SLIT2: variants seen among roughly 807,000 people sequenced by gnomAD.
The protein encoded by SLIT2 is slit guidance ligand 2.
Under a neutral mutation model 185.7 loss-of-function variants are expected in SLIT2, and 41 were observed. The observed-to-expected ratio is 0.22, with a 90% confidence interval of 0.17 to 0.29. The LOEUF is 0.29. SLIT2 is among the 10% of genes least tolerant of loss of function. SLIT2 has a pLI of 1.00. For missense variants in SLIT2, 1,571 were observed against 1,909.0 expected (o/e 0.82, Z 3.30); for synonymous variants, 693 against 680.2 (o/e 1.02, Z -0.29).
At chr4:20,573,347 G>A (rs1725785882) in intron 29 of SLIT2, 2 of 696,226 alleles carry the variant, frequency 2.9e-6, no homozygotes, top group African/African-American at 3.5e-5. Flanking sequence ...CGGGTACACA[G>A]TAAAAAGGAA....
rs904303968 is a variant in SLIT2 at position 20,583,983 on chromosome 4, G to A, written c.3089-5661G>A. ...AATACTCACAATATCAGTACCACAG[G>A]GGGCTCTGAACATATGCTGGCACTT... On this transcript the variant is annotated intron_variant, in intron 29 of 36. Coordinates refer to ENST00000504154, the MANE Select transcript of SLIT2 (RefSeq NM_004787.4). 1.1e-4 allele frequency among the ~76,000 whole-genome samples: 16 copies of A among 151,956 alleles called. No individual in the cohort carries two copies. The South Asian group carries it at 3.1e-3, about 30-fold the overall frequency.
intron 4 of SLIT2, among the ~76,000 whole-genome samples, chr4:20,373,809 C>A (rs1723789081): frequency 6.6e-6 from 1 of 151,998 alleles, no homozygotes; most frequent in African/African-American, 2.4e-5. Context: ...TGTGGTGTTT[C>A]TCTGGTGTAG....
At chr4:20,295,549 TAGTAGTA>T (rs1287984036) in intron 4 of SLIT2, among the ~76,000 whole-genome samples, 2 of 152,158 alleles carry the variant, frequency 1.3e-5, no homozygotes, top group Non-Finnish European at 2.9e-5. Flanking sequence ...TCAGCTCTCT[TAGTAGTA>T]AGTCAATCCA....
intron 4 of SLIT2, among the ~76,000 whole-genome samples, chr4:20,446,582 G>C (rs941173571): frequency 6.6e-6 from 1 of 152,182 alleles, no homozygotes; most frequent in Non-Finnish European, 1.5e-5. Context: ...GTCAGGCAGT[G>C]TTTAAAAGCA....
chr4:20,452,997 A>G (rs1034983161), intron 4 of SLIT2, among the ~76,000 whole-genome samples: 1 of 152,238 alleles, frequency 6.6e-6, no homozygotes, highest in Non-Finnish European at 1.5e-5. Context: ...CATACAGTTC[A>G]GAAATTATGA....
intron 30 of SLIT2, among the ~76,000 whole-genome samples, chr4:20,590,202 G>T (rs1159980388): frequency 6.6e-6 from 1 of 152,098 alleles, no homozygotes; most frequent in African/African-American, 2.4e-5. Context: ...ACCGCGCCCA[G>T]CCCCAGACTT....
intron 4 of SLIT2, among the ~76,000 whole-genome samples, chr4:20,348,031 G>A (rs1721566335): frequency 6.6e-6 from 1 of 152,110 alleles, no homozygotes; most frequent in African/African-American, 2.4e-5. Context: ...GGATGCTGTT[G>A]GTATAATCTA....
Position 20,545,973 on chromosome 4 carries a change from A to G in SLIT2, c.2277-58A>G, listed in dbSNP as rs368960178. ...GTTAAGAGTGAAGTACTGTTTACTTATTTTATTCAAGGCCACCATTACTTT... is the reference window on the plus strand; with the variant it reads ...GTTAAGAGTGAAGTACTGTTTACTTGTTTTATTCAAGGCCACCATTACTTT... On this transcript the variant is annotated intron_variant, in intron 21 of 36. Transcript: ENST00000504154. 647 of 1,004,658 alleles carry G rather than the reference A, an allele frequency of 6.4e-4. 8 individuals are homozygous for G. In the Middle Eastern group the frequency reaches 0.013, roughly 21 times the overall value. 62.2% of individuals were successfully genotyped at this position (1,004,658 alleles called of 1,614,324 possible). A position where few individuals can be genotyped will look rare whatever the true frequency, so the allele number is the denominator to read the frequency against.
At chr4:20,398,273 G>T (rs1237846264) in intron 4 of SLIT2, among the ~76,000 whole-genome samples, 2 of 151,800 alleles carry the variant, frequency 1.3e-5, no homozygotes, top group Admixed American at 1.3e-4. Context: ...GTATTTGTTT[G>T]GTTTGGTTCT....
At chr4:20,368,219 C>CAAAAAAAAAA (rs71653879) in intron 4 of SLIT2, among the ~76,000 whole-genome samples, 713 of 105,600 alleles carry the variant, frequency 6.8e-3, no homozygotes, top group East Asian at 1.0e-2. Context: ...CACAAAATAG[C>CAAAAAAAAAA]AAAAAAAAAA....
chr4:20,387,656 C>T (rs1553891682), intron 4 of SLIT2, among the ~76,000 whole-genome samples: 1 of 152,100 alleles, frequency 6.6e-6, no homozygotes, highest in Non-Finnish European at 1.5e-5. Flanking sequence ...ACTTGGCCAG[C>T]CAGTGCCGGT....
rs75287641 is a variant in SLIT2 at position 20,543,325 on chromosome 4, G to A, written c.2276+699G>A. Among the ~76,000 whole-genome samples the A allele has an allele frequency of 3.7e-3, 570 of 152,126 alleles. 3 individuals are homozygous for A. The highest frequency in any genetic ancestry group is 0.013 in the African/African-American group (544 of 41,520). On this transcript the variant is annotated intron_variant, in intron 21 of 36. Transcript: ENST00000504154. ...CTCGACCTTCTTCTGCACTGCCCAC[G>A]CTCCCTTGGCTGCCTCATGCTACAG...
At chr4:20,432,358 G>A (rs529315403) in intron 4 of SLIT2, among the ~76,000 whole-genome samples, 15 of 152,276 alleles carry the variant, frequency 9.9e-5, no homozygotes, top group African/African-American at 3.4e-4. Flanking sequence ...TTAGTTTACT[G>A]CTTAGTCCAC....
At position 20,444,182 on chromosome 4, in the gene SLIT2, G is replaced by C. The variant is rs890725585; in HGVS notation, c.396-23570G>C. ...TGAGAAGACAGACTTAACTTTCCTA[G>C]ACTCGAGGCTAAGCATAGATTGGGA... On this transcript the variant is annotated intron_variant, in intron 4 of 36. Coordinates refer to ENST00000504154, the MANE Select transcript of SLIT2 (RefSeq NM_004787.4). Among the ~76,000 whole-genome samples the C allele has an allele frequency of 7.8e-4, 119 of 152,040 alleles. 10 individuals are homozygous for C. Among genetic ancestry groups the C allele is most frequent in the Non-Finnish European group, 4.4e-5 (3 of 68,010 alleles).
intron 4 of SLIT2, among the ~76,000 whole-genome samples, chr4:20,330,108 A>G (rs1719934048): frequency 6.6e-6 from 1 of 151,884 alleles, no homozygotes; most frequent in Non-Finnish European, 1.5e-5. Context: ...CTCATTTTAC[A>G]CTTCCCTTAC....
At chr4:20,454,996 C>T (rs1712904874) in intron 4 of SLIT2, among the ~76,000 whole-genome samples, 1 of 151,980 alleles carries the variant, frequency 6.6e-6, no homozygotes, top group Non-Finnish European at 1.5e-5. Flanking sequence ...TCTCTCTATT[C>T]CCCACTCCAC....
intron 4 of SLIT2, among the ~76,000 whole-genome samples, chr4:20,342,258 A>G (rs1301500915): frequency 6.6e-6 from 1 of 152,212 alleles, no homozygotes; most frequent in Non-Finnish European, 1.5e-5. Flanking sequence ...TTGATGATGC[A>G]GATTTCATGG....
intron 1 of SLIT2, among the ~76,000 whole-genome samples, chr4:20,256,168 G>A (rs1195777279): frequency 1.3e-5 from 2 of 152,172 alleles, no homozygotes; most frequent in African/African-American, 4.8e-5. Context: ...TTGAAGTGCA[G>A]TTGTTTTGAT....
chr4:20,302,826 C>A (rs938107422), intron 4 of SLIT2, among the ~76,000 whole-genome samples: 2 of 152,112 alleles, frequency 1.3e-5, no homozygotes, highest in African/African-American at 4.8e-5. Context: ...ACCTTGAACT[C>A]AGTGGTTTAG....
Sources: gnomAD v4.1 joint callset for allele counts (sites outside exome capture counted in the v4.1 genomes callset) on GRCh38, gnomAD v4.1.1 for gene constraint, MANE v1.5 for transcripts, NCBI Gene and HGNC (gene_info 2026-07-23, HGNC 2026-07-21) for gene names.